The following TSPAN5 variants were observed in gnomAD, a reference collection of about 807,000 sequenced individuals.
TSPAN5 encodes the protein tetraspanin 5.
In TSPAN5, 10 loss-of-function variants were observed where a neutral mutation model predicts 37.1. The observed-to-expected ratio is 0.27, with a 90% confidence interval of 0.17 to 0.46. TSPAN5 has a LOEUF of 0.46. Among genes scored for constraint, TSPAN5 ranks in the 20% least tolerant of loss-of-function variants. The probability of loss-of-function intolerance (pLI) is 1.00; values close to 1 mark genes in which losing one functional copy is unlikely to be tolerated. For synonymous variants in TSPAN5, 110 were observed against 118.9 expected (o/e 0.93, Z 0.48); for missense variants, 195 against 326.6 (o/e 0.60, Z 3.11).
intron 1 of TSPAN5, among the ~76,000 whole-genome samples, chr4:98,524,311 C>T (rs999133233): frequency 1.3e-5 from 2 of 152,286 alleles, no homozygotes; most frequent in South Asian, 2.1e-4. Flanking sequence ...AAGTAAACCG[C>T]TGACAGAATA....
chr4:98,540,898 T>TA (rs1754342945), intron 1 of TSPAN5, among the ~76,000 whole-genome samples: 1 of 152,214 alleles, frequency 6.6e-6, no homozygotes, highest in African/African-American at 2.4e-5. Flanking sequence ...AAGAGATATT[T>TA]AGGGTTAACT....
chr4:98,592,685 T>G lies in TSPAN5; in HGVS notation c.81+65461A>C, dbSNP rs866012670. Among the ~76,000 whole-genome samples, 856 of 146,686 alleles carry G rather than the reference T, an allele frequency of 5.8e-3. 7 individuals carry two copies. The highest frequency in any genetic ancestry group is 0.02 in the African/African-American group (795 of 39,670). On this transcript the variant is annotated intron_variant, in intron 1 of 7. Transcript: ENST00000305798. ...CCCACCTATGAGTGAGAATATGCGG[T>G]GTTTGGTTTTTTTGTTCTTGCGATA... is the stretch of plus-strand genomic sequence containing the variant.
chr4:98,626,545 T>C (rs1035982287), intron 1 of TSPAN5, among the ~76,000 whole-genome samples: 1 of 151,876 alleles, frequency 6.6e-6, no homozygotes, highest in Non-Finnish European at 1.5e-5. Context: ...TCCTCTCCCC[T>C]CCTGCTTGGC....
intron 1 of TSPAN5, among the ~76,000 whole-genome samples, chr4:98,599,015 A>C (rs1427727332): frequency 7.2e-5 from 11 of 152,262 alleles, no homozygotes; most frequent in Non-Finnish European, 1.6e-4. Flanking sequence ...AATCTCCAAG[A>C]GCTTTCTGAA....
intron 1 of TSPAN5, among the ~76,000 whole-genome samples, chr4:98,606,196 G>A (rs1426359807): frequency 6.6e-6 from 1 of 152,178 alleles, no homozygotes; most frequent in African/African-American, 2.4e-5. Context: ...CAGTCACAGA[G>A]CAAAAGAAGC....
At chr4:98,531,900 G>A (rs1393962872) in intron 1 of TSPAN5, among the ~76,000 whole-genome samples, 1 of 152,136 alleles carries the variant, frequency 6.6e-6, no homozygotes. Flanking sequence ...CCCACGTTTT[G>A]ATGGGGTTGT....
chr4:98,551,134 G>A (rs540503022), intron 1 of TSPAN5, among the ~76,000 whole-genome samples: 21 of 149,110 alleles, frequency 1.4e-4, no homozygotes, highest in African/African-American at 4.4e-4. Context: ...CTATTGAGAC[G>A]ATCATATGTT....
At chr4:98,622,099 A>T (rs1756495117) in intron 1 of TSPAN5, among the ~76,000 whole-genome samples, 4 of 152,078 alleles carry the variant, frequency 2.6e-5, no homozygotes, top group Admixed American at 2.6e-4. Flanking sequence ...TCTTTTTTTG[A>T]GACAGAGTCT....
At chr4:98,623,533 CAG>C (rs556331006) in intron 1 of TSPAN5, among the ~76,000 whole-genome samples, 248 of 152,298 alleles carry the variant, frequency 1.6e-3, no homozygotes, top group African/African-American at 5.8e-3. Flanking sequence ...GCCATAGTTC[CAG>C]AGATTATAAA....
chr4:98,522,533 T>A (rs578106831), intron 1 of TSPAN5, among the ~76,000 whole-genome samples: 74 of 152,344 alleles, frequency 4.9e-4, no homozygotes, highest in Middle Eastern at 3.4e-3. Flanking sequence ...CCTTAATAGT[T>A]GCACTGAACT....
intron 2 of TSPAN5, among the ~76,000 whole-genome samples, chr4:98,493,020 T>A (rs943731235): frequency 4.6e-5 from 7 of 151,712 alleles, no homozygotes; most frequent in African/African-American, 1.5e-4. Flanking sequence ...CTAGAAAAAA[T>A]TTAAACATAA....
Position 98,486,941 on chromosome 4 carries a change from C to T in TSPAN5, c.133-57G>A, listed in dbSNP as rs1273858881. 1.9e-6 allele frequency: 3 copies of T among 1,583,520 alleles called. No individual in the cohort carries two copies. The East Asian group carries it at 6.7e-5, about 36-fold the overall frequency. ...CGGGGATGTGGGGTCAGTTTTCCAACATGTAAAGATTATTGCATTTGTCCT... is the reference window on the plus strand; with the variant it reads ...CGGGGATGTGGGGTCAGTTTTCCAATATGTAAAGATTATTGCATTTGTCCT... On this transcript the variant is annotated intron_variant, in intron 2 of 7. Transcript: ENST00000305798.
intron 2 of TSPAN5, among the ~76,000 whole-genome samples, chr4:98,502,827 G>A (rs1401788086): frequency 9.9e-5 from 15 of 151,584 alleles, no homozygotes; most frequent in Non-Finnish European, 1.5e-5. Flanking sequence ...TCCTTGGCCT[G>A]CTCAACAGCA....
intron 1 of TSPAN5, chr4:98,657,440 C>G (rs1757315335): frequency 6.6e-6 from 1 of 152,228 alleles, no homozygotes; most frequent in Admixed American, 6.5e-5. Context: ...CAGGAACACA[C>G]TGAAATATAT....
intron 1 of TSPAN5, among the ~76,000 whole-genome samples, chr4:98,633,598 G>A (rs72908186): frequency 0.014 from 2,118 of 152,194 alleles, 44 homozygotes; most frequent in African/African-American, 0.049. Flanking sequence ...AATTTAAAAT[G>A]ATCAGCACTC....
At chr4:98,604,667 T>C (rs979144184) in intron 1 of TSPAN5, among the ~76,000 whole-genome samples, 1 of 152,238 alleles carries the variant, frequency 6.6e-6, no homozygotes, top group African/African-American at 2.4e-5. Flanking sequence ...GGGGCTTACA[T>C]TTAGAGAAAT....
intron 7 of TSPAN5, among the ~76,000 whole-genome samples, chr4:98,475,330 T>C (rs1752668392): frequency 6.6e-6 from 1 of 152,236 alleles, no homozygotes; most frequent in Non-Finnish European, 1.5e-5. Context: ...AGGTCTTCTT[T>C]AATTTGTTTC....
intron 1 of TSPAN5, among the ~76,000 whole-genome samples, chr4:98,625,994 A>T (rs79800253): frequency 0.012 from 1,827 of 152,322 alleles, 35 homozygotes; most frequent in African/African-American, 0.042. Context: ...TCTCTAAAGG[A>T]TTTTCCATAA....
chr4:98,600,222 G>T (rs113114123), intron 1 of TSPAN5, among the ~76,000 whole-genome samples: 2,069 of 152,192 alleles, frequency 0.014, 54 homozygotes, highest in African/African-American at 0.047. Flanking sequence ...GCTGGTGGGG[G>T]GCCTTGCCTC....
Sources: gnomAD v4.1 joint callset for allele counts (sites outside exome capture counted in the v4.1 genomes callset) on GRCh38, gnomAD v4.1.1 for gene constraint, MANE v1.5 for transcripts, NCBI Gene and HGNC (gene_info 2026-07-23, HGNC 2026-07-21) for gene names.